FBXL17: variants seen among roughly 807,000 people sequenced by gnomAD.
FBXL17 encodes the protein F-box and leucine rich repeat protein 17.
FBXL17 carries 22 observed loss-of-function variants against 66.2 expected under a neutral mutation model. The ratio of observed to expected loss-of-function variants is 0.33; its 90% CI spans 0.24 to 0.47. The LOEUF is 0.47. Among genes scored for constraint, FBXL17 ranks in the 20% least tolerant of loss-of-function variants. FBXL17 has a pLI of 1.00. For missense variants in FBXL17, 878 were observed against 948.2 expected (o/e 0.93, Z 0.97); for synonymous variants, 474 against 400.5 (o/e 1.18, Z -2.19).
chr5:107,859,390 G>GTTTTTTTTTTTTTTTTTTT lies in FBXL17; in HGVS notation c.*2311_*2329dup, dbSNP rs549840338. 8.3e-5 allele frequency: 5 copies of GTTTTTTTTTTTTTTTTTTT among 60,184 alleles called. No homozygotes were observed. The highest frequency in any genetic ancestry group is 5.8e-4 in the East Asian group (1 of 1,716). The allele number at this position is 60,184 out of a possible 1,614,324, so 3.7% of individuals were successfully genotyped here. On this transcript the variant is annotated 3_prime_UTR_variant, in exon 9 of 9. Transcript: ENST00000542267. ...CTCAAGGTGATGCTTTTTTCTGGCT[G>GTTTTTTTTTTTTTTTTTTT]TTTTTTTTTTTTTTTTTTTTTTTTT...
intron 5 of FBXL17, among the ~76,000 whole-genome samples, chr5:108,199,451 T>C (rs1561460455): frequency 6.6e-6 from 1 of 152,194 alleles, no homozygotes; most frequent in South Asian, 2.1e-4. Context: ...GCTAGAAGCA[T>C]GTGTGAAAAT....
intron 4 of FBXL17, among the ~76,000 whole-genome samples, chr5:108,244,818 C>G (rs142932545): frequency 3.3e-5 from 5 of 152,202 alleles, no homozygotes; most frequent in African/African-American, 9.6e-5. Context: ...AGTAAAATAT[C>G]AGTAACAAGT....
chr5:108,222,567 C>T (rs1029574254), intron 5 of FBXL17, among the ~76,000 whole-genome samples: 1 of 151,878 alleles, frequency 6.6e-6, no homozygotes, highest in South Asian at 2.1e-4. Context: ...TTAAGACATA[C>T]TACAACCACA....
At chr5:108,006,505 T>C (rs192891426) in intron 7 of FBXL17, among the ~76,000 whole-genome samples, 73 of 152,276 alleles carry the variant, frequency 4.8e-4, no homozygotes, top group African/African-American at 1.7e-3. Context: ...ACAGTAGTGG[T>C]TATGACGAAG....
At chr5:108,035,427 C>T (rs1458319738) in intron 6 of FBXL17, among the ~76,000 whole-genome samples, 3 of 152,010 alleles carry the variant, frequency 2.0e-5, no homozygotes, top group Non-Finnish European at 2.9e-5. Flanking sequence ...AGTGCAATGG[C>T]GTGATCCTGG....
At chr5:108,255,031 G>A (rs1193164436) in intron 4 of FBXL17, among the ~76,000 whole-genome samples, 1 of 152,146 alleles carries the variant, frequency 6.6e-6, no homozygotes, top group Non-Finnish European at 1.5e-5. Context: ...CAACTTGATG[G>A]AAAAGAGCAT....
intron 6 of FBXL17, among the ~76,000 whole-genome samples, chr5:108,179,895 C>T (rs1173653307): frequency 2.0e-5 from 3 of 152,014 alleles, no homozygotes; most frequent in Non-Finnish European, 4.4e-5. Flanking sequence ...AAATTCTCTG[C>T]ATCTCAATTT....
At chr5:108,361,303 A>G (rs1256472097) in intron 3 of FBXL17, among the ~76,000 whole-genome samples, 1 of 152,122 alleles carries the variant, frequency 6.6e-6, no homozygotes, top group African/African-American at 2.4e-5. Flanking sequence ...TTTGAAAGAG[A>G]TTTCCTTGGA....
At chr5:108,286,741 A>G (rs942601012) in intron 4 of FBXL17, among the ~76,000 whole-genome samples, 4 of 152,108 alleles carry the variant, frequency 2.6e-5, no homozygotes, top group African/African-American at 9.7e-5. Context: ...TGCTATTCCT[A>G]TCAAACTACC....
rs991803356 is a variant in FBXL17, at chr5:107,991,054, C to G, written c.1822+29871G>C. Among the ~76,000 whole-genome samples the G allele has an allele frequency of 2.0e-5, 3 of 152,148 alleles. No individual in the cohort carries two copies. The East Asian group carries it at 5.8e-4, about 29-fold the overall frequency. ...TAAACGCAGAGGCTCTGAGCTAACA[C>G]TGATGTGTGGCATCATCAAAAAGGA... On this transcript the variant is annotated intron_variant, in intron 7 of 8. Coordinates refer to ENST00000542267, the MANE Select transcript of FBXL17 (RefSeq NM_001163315.3).
intron 7 of FBXL17, among the ~76,000 whole-genome samples, chr5:107,986,722 T>A (rs1421573894): frequency 1.3e-5 from 2 of 151,988 alleles, no homozygotes; most frequent in Non-Finnish European, 2.9e-5. Flanking sequence ...AAGCAGATTT[T>A]ACAATAGTGC....
At chr5:108,211,658 C>G (rs1754377337) in intron 5 of FBXL17, among the ~76,000 whole-genome samples, 1 of 152,226 alleles carries the variant, frequency 6.6e-6, no homozygotes, top group African/African-American at 2.4e-5. Context: ...TTGGCCCCCA[C>G]TCTCTTCTGG....
rs549840338 is a variant in FBXL17 at position 107,859,390 on chromosome 5, G to GTTTTTTTTTTTTTTT, written c.*2315_*2329dup. On this transcript the variant is annotated 3_prime_UTR_variant, in exon 9 of 9. Coordinates refer to ENST00000542267, the MANE Select transcript of FBXL17 (RefSeq NM_001163315.3). ...CTCAAGGTGATGCTTTTTTCTGGCT[G>GTTTTTTTTTTTTTTT]TTTTTTTTTTTTTTTTTTTTTTTTT... 5.0e-5 allele frequency: 3 copies of GTTTTTTTTTTTTTTT among 60,184 alleles called. No individual in the cohort carries two copies. Among genetic ancestry groups the GTTTTTTTTTTTTTTT allele is most frequent in the Non-Finnish European group, 8.6e-5 (3 of 35,006 alleles). The allele number at this position is 60,184 out of a possible 1,614,324, so 3.7% of individuals were successfully genotyped here.
At chr5:108,373,305 T>C (rs1749178269) in intron 1 of FBXL17, among the ~76,000 whole-genome samples, 1 of 144,794 alleles carries the variant, frequency 6.9e-6, no homozygotes, top group Non-Finnish European at 1.5e-5. Flanking sequence ...ATAATATATA[T>C]CTAAATATAT....
chr5:107,878,380 A>T, intron 8 of FBXL17: 28 of 788,842 alleles, frequency 3.5e-5, no homozygotes, highest in Non-Finnish European at 4.3e-5. Context: ...AGCATTTTAT[A>T]TATAATAGAC....
intron 4 of FBXL17, among the ~76,000 whole-genome samples, chr5:108,287,230 A>C (rs1226689662): frequency 6.6e-6 from 1 of 151,898 alleles, no homozygotes; most frequent in Non-Finnish European, 1.5e-5. Context: ...TTCATGACAA[A>C]GATAAAAGCA....
chr5:107,921,055 C>G (rs1050204148), intron 7 of FBXL17, among the ~76,000 whole-genome samples: 5 of 151,942 alleles, frequency 3.3e-5, no homozygotes, highest in African/African-American at 4.8e-5. Flanking sequence ...CATGAAAATT[C>G]AAAGGGTAAA....
At chr5:108,047,153 C>T (rs559760676) in intron 6 of FBXL17, among the ~76,000 whole-genome samples, 51 of 152,300 alleles carry the variant, frequency 3.3e-4, no homozygotes, top group Non-Finnish European at 4.6e-4. Flanking sequence ...AGCCAGCTGG[C>T]GTGATCTATG....
rs146688023 is a variant in FBXL17, at chr5:108,254,402, T to C, written c.1507-30174A>G. On this transcript the variant is annotated intron_variant, in intron 4 of 8. Coordinates refer to ENST00000542267, the MANE Select transcript of FBXL17 (RefSeq NM_001163315.3). ...CTGCCTATGGTCTCTTCCCTGTCAA[T>C]TCCCAACTATACAGAAAACTGTCCC... is the stretch of plus-strand genomic sequence containing the variant. Among the ~76,000 whole-genome samples, 296 of 152,276 alleles carry C rather than the reference T, an allele frequency of 1.9e-3. 2 individuals are homozygous for C. Among genetic ancestry groups the C allele is most frequent in the African/African-American group, 6.9e-3 (288 of 41,566 alleles).
Sources: gnomAD v4.1 joint callset for allele counts (sites outside exome capture counted in the v4.1 genomes callset) on GRCh38, gnomAD v4.1.1 for gene constraint, MANE v1.5 for transcripts, NCBI Gene and HGNC (gene_info 2026-07-23, HGNC 2026-07-21) for gene names.